The following SLC60A1 variants were observed in gnomAD, a reference collection of about 807,000 sequenced individuals.
SLC60A1 encodes solute carrier family 60 member 1, also known as major facilitator superfamily domain containing 4.
the SLC60A1 span, among the ~76,000 whole-genome samples, chr1:205,599,630 C>T: frequency 0.083 from 12,568 of 152,282 alleles, 651 homozygotes; most frequent in East Asian, 0.22. Flanking sequence ...CTCAGCCCAA[C>T]GGCCTAATTG....
the SLC60A1 span, chr1:205,597,824 A>C: frequency 6.2e-7 from 1 of 1,613,936 alleles, no homozygotes. Context: ...AGTTGGCGAG[A>C]TGGTGCTGCA....
the SLC60A1 span, among the ~76,000 whole-genome samples, chr1:205,589,477 T>A: frequency 6.6e-6 from 1 of 152,208 alleles, no homozygotes; most frequent in Non-Finnish European, 1.5e-5. Context: ...CAGGTCTGCG[T>A]TGCATTTTCT....
At chr1:205,574,808 C>T in the SLC60A1 span, among the ~76,000 whole-genome samples, 1 of 152,198 alleles carries the variant, frequency 6.6e-6, no homozygotes, top group Non-Finnish European at 1.5e-5. Flanking sequence ...CTAAGGAGCA[C>T]GCCCTGTGTG....
chr1:205,573,497 C>T, the SLC60A1 span, among the ~76,000 whole-genome samples: 1 of 152,072 alleles, frequency 6.6e-6, no homozygotes, highest in African/African-American at 2.4e-5. Flanking sequence ...GATACTGACA[C>T]ATGCTATACC....
At chr1:205,580,849 C>T in the SLC60A1 span, 2 of 1,614,158 alleles carry the variant, frequency 1.2e-6, no homozygotes, top group Non-Finnish European at 1.7e-6. The surrounding 1 kb of genome is among the most constrained non-coding windows in gnomAD (Gnocchi z 5.0). Context: ...ACCAGACGTT[C>T]CCAGGGCTGA....
chr1:205,580,617 A>G, the SLC60A1 span: 1 of 1,594,230 alleles, frequency 6.3e-7, no homozygotes. The surrounding 1 kb of genome is among the most constrained non-coding windows in gnomAD (Gnocchi z 5.0). Flanking sequence ...CCCGGGCTGA[A>G]GACTGACCCC....
chr1:205,583,070 G>C, the SLC60A1 span, among the ~76,000 whole-genome samples: 1 of 152,174 alleles, frequency 6.6e-6, no homozygotes, highest in Non-Finnish European at 1.5e-5. Flanking sequence ...TAAGTGAAAG[G>C]AACTGGGCTG....
At chr1:205,589,248 C>T in the SLC60A1 span, among the ~76,000 whole-genome samples, 5 of 152,244 alleles carry the variant, frequency 3.3e-5, no homozygotes, top group East Asian at 7.7e-4. Context: ...CCCCTGAAGG[C>T]AGGAGGTGAG....
At chr1:205,579,603 A>G in the SLC60A1 span, 2 of 873,798 alleles carry the variant, frequency 2.3e-6, no homozygotes, top group Non-Finnish European at 3.6e-6. Flanking sequence ...CCCACAGCTA[A>G]TAAGTGAGCA....
the SLC60A1 span, chr1:205,597,765 TTC>T: frequency 6.2e-7 from 1 of 1,613,488 alleles, no homozygotes; most frequent in Non-Finnish European, 8.5e-7. Context: ...AAACCAAACC[TTC>T]TCTTTTTGTT....
At chr1:205,600,417 G>A in the SLC60A1 span, 1 of 1,614,126 alleles carries the variant, frequency 6.2e-7, no homozygotes, top group East Asian at 2.2e-5. Flanking sequence ...TCCTACCCAA[G>A]ACAGATCAAT....
the SLC60A1 span, among the ~76,000 whole-genome samples, chr1:205,575,754 C>G: frequency 1.3e-5 from 2 of 152,158 alleles, no homozygotes; most frequent in Admixed American, 1.3e-4. Context: ...TGTGTGGAGC[C>G]ATTAATAAGT....
the SLC60A1 span, among the ~76,000 whole-genome samples, chr1:205,575,034 T>G: frequency 6.6e-6 from 1 of 152,178 alleles, no homozygotes; most frequent in African/African-American, 2.4e-5. Flanking sequence ...GGGGGCCTTT[T>G]TATCCCTGGC....
At chr1:205,577,669 T>C in the SLC60A1 span, among the ~76,000 whole-genome samples, 1 of 152,094 alleles carries the variant, frequency 6.6e-6, no homozygotes, top group Non-Finnish European at 1.5e-5. The surrounding 1 kb of genome is among the most constrained non-coding windows in gnomAD (Gnocchi z 5.2). Flanking sequence ...TCCTCTCCCC[T>C]CCTGCATTTG....
the SLC60A1 span, among the ~76,000 whole-genome samples, chr1:205,579,207 G>A: frequency 6.6e-6 from 1 of 152,174 alleles, no homozygotes; most frequent in African/African-American, 2.4e-5. Context: ...TGGGTTGTGG[G>A]CGCTGGTGTG....
At chr1:205,584,363 A>G in the SLC60A1 span, among the ~76,000 whole-genome samples, 2 of 151,544 alleles carry the variant, frequency 1.3e-5, no homozygotes, top group East Asian at 1.9e-4. Flanking sequence ...CGGGGATTAC[A>G]GTCACATGCC....
chr1:205,575,428 T>G, the SLC60A1 span, among the ~76,000 whole-genome samples: 13 of 152,144 alleles, frequency 8.5e-5, no homozygotes, highest in South Asian at 1.0e-3. Flanking sequence ...TTCAGCAGCA[T>G]TCTTCCCCAC....
chr1:205,592,332 G>A, the SLC60A1 span: 1 of 1,556,480 alleles, frequency 6.4e-7, no homozygotes, highest in Non-Finnish European at 8.7e-7. Flanking sequence ...ATCTAGCTGG[G>A]CGCCGCCGCC....
At chr1:205,574,324 A>G in the SLC60A1 span, among the ~76,000 whole-genome samples, 1,795 of 152,092 alleles carry the variant, frequency 0.012, 40 homozygotes, top group Admixed American at 0.056. Context: ...GCACACCTAT[A>G]GTCCCAGCTA....
Sources: gnomAD v4.1 joint callset for allele counts (sites outside exome capture counted in the v4.1 genomes callset) on GRCh38, gnomAD v4.1.1 for gene constraint, Gnocchi (gnomAD v3.1) non-coding constraint, MANE v1.5 for transcripts, NCBI Gene and HGNC (gene_info 2026-07-23, HGNC 2026-07-21) for gene names.